Variants in MYO5B observed in about 807,000 individuals in gnomAD.
The protein encoded by MYO5B is unconventional myosin-Vb.
Under a neutral mutation model 229.3 loss-of-function variants are expected in MYO5B, and 143 were observed. That is an observed-to-expected ratio of 0.62 (90% confidence interval 0.54 to 0.72). MYO5B has a LOEUF of 0.72. Among genes scored for constraint, MYO5B ranks in the 30% least tolerant of loss-of-function variants. The probability of loss-of-function intolerance (pLI) is 0.00; values close to 1 mark genes in which losing one functional copy is unlikely to be tolerated. For missense variants in MYO5B, 2,321 were observed against 2,331.0 expected (o/e 1.00, Z 0.09); for synonymous variants, 918 against 885.2 (o/e 1.04, Z -0.66).
intron 39 of MYO5B, among the ~76,000 whole-genome samples, chr18:49,828,942 CTG>C (rs2023881152): frequency 6.6e-6 from 1 of 151,314 alleles, no homozygotes; most frequent in African/African-American, 2.4e-5. Flanking sequence ...AATAACCTAA[CTG>C]TATACCTTAA....
At chr18:50,025,473 T>A (rs550822383) in intron 4 of MYO5B, among the ~76,000 whole-genome samples, 4 of 152,258 alleles carry the variant, frequency 2.6e-5, no homozygotes, top group African/African-American at 9.6e-5. Flanking sequence ...TCCTCCCATC[T>A]CCTCTCTTGG....
intron 8 of MYO5B, 136 bp from the exon 9 acceptor site, chr18:49,980,689 C>T (rs2025804841): frequency 2.9e-6 from 2 of 691,042 alleles, no homozygotes; most frequent in African/African-American, 3.6e-5. Context: ...TAAAATGATC[C>T]AGGCTCCTCA....
At chr18:49,922,405 G>T (rs1037268983) in intron 17 of MYO5B, among the ~76,000 whole-genome samples, 1 of 152,180 alleles carries the variant, frequency 6.6e-6, no homozygotes, top group African/African-American at 2.4e-5. Flanking sequence ...AGAGCTTCCT[G>T]CCCTCTCACC....
chr18:50,158,430 C>A (rs999970327), intron 1 of MYO5B, among the ~76,000 whole-genome samples: 1 of 152,200 alleles, frequency 6.6e-6, no homozygotes, highest in East Asian at 1.9e-4. Context: ...TTTTCATCTA[C>A]ATTTTTACCT....
intron 1 of MYO5B, among the ~76,000 whole-genome samples, chr18:50,180,041 C>A (rs1008071978): frequency 2.0e-5 from 3 of 152,146 alleles, no homozygotes; most frequent in African/African-American, 7.2e-5. Context: ...AGGTGGTCCT[C>A]AAAACCAGGA....
chr18:50,184,288 A>G (rs2033116557), intron 1 of MYO5B, among the ~76,000 whole-genome samples: 1 of 152,002 alleles, frequency 6.6e-6, no homozygotes, highest in African/African-American at 2.4e-5. Flanking sequence ...CACAAGCAGG[A>G]TCAGACCACC....
chr18:50,010,928 T>A (rs539416805), intron 4 of MYO5B, among the ~76,000 whole-genome samples: 35 of 152,340 alleles, frequency 2.3e-4, no homozygotes, highest in Admixed American at 7.2e-4. Context: ...GAGTCCCTCA[T>A]TCCAAAACCC....
intron 10 of MYO5B, among the ~76,000 whole-genome samples, chr18:49,973,451 G>C (rs546963668): frequency 1.3e-5 from 2 of 152,158 alleles, no homozygotes; most frequent in Non-Finnish European, 2.9e-5. Flanking sequence ...CTGTTCTTAC[G>C]ACGCTTCACT....
chr18:50,128,702 A>C (rs568647151), intron 1 of MYO5B, among the ~76,000 whole-genome samples: 36 of 152,270 alleles, frequency 2.4e-4, no homozygotes, highest in African/African-American at 8.2e-4. Context: ...ACGTGCCAGC[A>C]CCTAAGAATC....
At chr18:50,175,597 C>T (rs1022906356) in intron 1 of MYO5B, among the ~76,000 whole-genome samples, 1 of 152,206 alleles carries the variant, frequency 6.6e-6, no homozygotes, top group African/African-American at 2.4e-5. Flanking sequence ...CCTCCTTTTA[C>T]TGTCTATGTG....
chr18:49,946,922 A>G (rs879307700), intron 14 of MYO5B, among the ~76,000 whole-genome samples: 38 of 152,286 alleles, frequency 2.5e-4, no homozygotes, highest in Admixed American at 2.3e-3. Context: ...AAAGACTAAG[A>G]GATACCATGT....
chr18:49,861,960 G>T (rs1167218928), intron 29 of MYO5B, among the ~76,000 whole-genome samples: 2 of 151,064 alleles, frequency 1.3e-5, no homozygotes, highest in African/African-American at 2.4e-5. Context: ...GTTGAGGTAA[G>T]AGAGAAAGGT....
At chr18:50,160,112 A>G (rs2032742936) in intron 1 of MYO5B, among the ~76,000 whole-genome samples, 1 of 152,254 alleles carries the variant, frequency 6.6e-6, no homozygotes, top group African/African-American at 2.4e-5. Flanking sequence ...AACACTTCCC[A>G]GCGGATGATA....
At chr18:49,844,322 G>A (rs1212223514) in intron 33 of MYO5B, among the ~76,000 whole-genome samples, 1 of 152,238 alleles carries the variant, frequency 6.6e-6, no homozygotes, top group East Asian at 1.9e-4. Flanking sequence ...AGGTGAGAAT[G>A]GGGCAGGAGC....
At chr18:49,843,514 G>A in intron 33 of MYO5B, 122 bp from the exon 34 acceptor site, 2 of 1,271,480 alleles carry the variant, frequency 1.6e-6, no homozygotes, top group Non-Finnish European at 2.2e-6. Flanking sequence ...AGGAATAGAT[G>A]TCTCAAAGAG....
At chr18:50,121,634 C>T (rs1366513583) in intron 1 of MYO5B, among the ~76,000 whole-genome samples, 16 of 152,226 alleles carry the variant, frequency 1.1e-4, no homozygotes, top group Non-Finnish European at 8.8e-5. Context: ...TGATCAGGGC[C>T]TGCCCTGTGT....
intron 1 of MYO5B, among the ~76,000 whole-genome samples, chr18:50,156,917 A>T (rs2032687894): frequency 6.6e-6 from 1 of 152,108 alleles, no homozygotes; most frequent in African/African-American, 2.4e-5. Flanking sequence ...GTCACCAATG[A>T]AGTCCATGCC....
At chr18:50,043,449 AT>A (rs1246644632) in intron 2 of MYO5B, among the ~76,000 whole-genome samples, 12 of 111,648 alleles carry the variant, frequency 1.1e-4, no homozygotes, top group Admixed American at 6.6e-4. Context: ...AATATTAAAT[AT>A]TTAAATATAT....
At chr18:49,837,402 A>C in intron 37 of MYO5B, 115 bp downstream of exon 37, 2 of 1,271,952 alleles carry the variant, frequency 1.6e-6, no homozygotes, top group South Asian at 1.2e-5. Context: ...GGAGACAAGG[A>C]CTGTCAATTA....
Sources: allele counts gnomAD v4.1 joint callset (sites outside exome capture counted in the v4.1 genomes callset), GRCh38; gene constraint gnomAD v4.1.1; transcripts MANE v1.5; gene names NCBI Gene and HGNC (gene_info 2026-07-23, HGNC 2026-07-21).